The following HYCC1 variants were observed in gnomAD, a reference collection of about 807,000 sequenced individuals.
HYCC1 encodes the protein hyccin PI4KA lipid kinase complex subunit 1, also known as hyccin.
At chr7:22,943,298 G>A in the HYCC1 span, 1 of 152,100 alleles carries the variant, frequency 6.6e-6, no homozygotes, top group Non-Finnish European at 1.5e-5. Context: ...CTAGGGCTGT[G>A]AGACCACTGG....
chr7:22,955,907 A>G, the HYCC1 span, among the ~76,000 whole-genome samples: 19 of 151,826 alleles, frequency 1.3e-4, no homozygotes, highest in East Asian at 3.7e-3. Flanking sequence ...TAAAGAAATA[A>G]CTTTCTATTT....
At chr7:23,008,796 C>A in the HYCC1 span, among the ~76,000 whole-genome samples, 1 of 151,934 alleles carries the variant, frequency 6.6e-6, no homozygotes, top group African/African-American at 2.4e-5. Context: ...GTTCAATAAA[C>A]AGCATTAAAA....
chr7:22,947,340 G>A, the HYCC1 span: 3 of 1,014,572 alleles, frequency 3.0e-6, no homozygotes, highest in African/African-American at 1.6e-5. Flanking sequence ...AAAATTAGAT[G>A]ACTGAATGTT....
chr7:22,910,945 T>C, the HYCC1 span, among the ~76,000 whole-genome samples: 65 of 152,314 alleles, frequency 4.3e-4, no homozygotes, highest in South Asian at 0.011. Flanking sequence ...TATATTTTAT[T>C]ATATTAAGCT....
chr7:22,978,407 G>A, the HYCC1 span: 75 of 1,613,808 alleles, frequency 4.6e-5, no homozygotes, highest in Non-Finnish European at 5.6e-5. Flanking sequence ...CCTCTCCACT[G>A]CGATAGAATT....
the HYCC1 span, among the ~76,000 whole-genome samples, chr7:22,905,604 A>T: frequency 6.6e-6 from 1 of 151,784 alleles, no homozygotes; most frequent in Non-Finnish European, 1.5e-5. Context: ...AATATAATTA[A>T]AGAAAATTTG....
the HYCC1 span, chr7:22,945,261 C>T: frequency 2.8e-6 from 1 of 361,630 alleles, no homozygotes; most frequent in African/African-American, 2.1e-5. Context: ...AACCACCTTA[C>T]AACCTCACAT....
chr7:22,988,446 A>T, the HYCC1 span, among the ~76,000 whole-genome samples: 1 of 152,224 alleles, frequency 6.6e-6, no homozygotes, highest in East Asian at 1.9e-4. Context: ...TGTTATATTG[A>T]TAAAATATTA....
At chr7:23,012,467 G>C in the HYCC1 span, among the ~76,000 whole-genome samples, 333 of 152,202 alleles carry the variant, frequency 2.2e-3, 1 homozygote, top group Non-Finnish European at 3.9e-3. Flanking sequence ...TCAATAAATC[G>C]AATAAGGATA....
chr7:22,988,277 T>C, the HYCC1 span, among the ~76,000 whole-genome samples: 1 of 152,230 alleles, frequency 6.6e-6, no homozygotes, highest in Non-Finnish European at 1.5e-5. Flanking sequence ...GATTCAAAAT[T>C]GGGTAAAGTT....
At chr7:22,929,211 C>T in the HYCC1 span, among the ~76,000 whole-genome samples, 191 of 152,218 alleles carry the variant, frequency 1.3e-3, 3 homozygotes, top group African/African-American at 4.5e-3. Context: ...TAAAGACTTA[C>T]ATGTTAGACC....
chr7:22,989,285 AACACACACACACACAC>A, the HYCC1 span, among the ~76,000 whole-genome samples: 80,143 of 148,572 alleles, frequency 0.54, 21,945 homozygotes, highest in Non-Finnish European at 0.6. Context: ...ACAAGCAGGA[AACACACACACACACAC>A]ACACACACAC....
At chr7:22,926,653 C>T in the HYCC1 span, among the ~76,000 whole-genome samples, 4 of 151,606 alleles carry the variant, frequency 2.6e-5, no homozygotes. Context: ...TATATATGCA[C>T]CCAATACAGG....
the HYCC1 span, among the ~76,000 whole-genome samples, chr7:22,914,765 C>T: frequency 6.6e-6 from 1 of 152,056 alleles, no homozygotes; most frequent in Non-Finnish European, 1.5e-5. Flanking sequence ...ACCCATCTGA[C>T]CTCTCCCCTC....
chr7:22,929,211 C>A, the HYCC1 span, among the ~76,000 whole-genome samples: 3 of 152,218 alleles, frequency 2.0e-5, no homozygotes, highest in Middle Eastern at 3.4e-3. Flanking sequence ...TAAAGACTTA[C>A]ATGTTAGACC....
the HYCC1 span, among the ~76,000 whole-genome samples, chr7:22,973,843 G>C: frequency 2.6e-5 from 4 of 152,094 alleles, no homozygotes; most frequent in Non-Finnish European, 5.9e-5. Flanking sequence ...AATGTACTAC[G>C]TTAGAGTTAG....
the HYCC1 span, among the ~76,000 whole-genome samples, chr7:23,009,737 C>G: frequency 6.6e-6 from 1 of 152,126 alleles, no homozygotes; most frequent in Non-Finnish European, 1.5e-5. Context: ...CTTCTAGTCA[C>G]AACTCTTCTC....
At chr7:22,962,647 G>C in the HYCC1 span, among the ~76,000 whole-genome samples, 1 of 151,740 alleles carries the variant, frequency 6.6e-6, no homozygotes, top group Non-Finnish European at 1.5e-5. Context: ...TCACTGAAGG[G>C]GCAGGACTAC....
chr7:22,941,725 G>A, the HYCC1 span: 5 of 152,086 alleles, frequency 3.3e-5, no homozygotes, highest in Admixed American at 1.3e-4. Context: ...ATATATTTAT[G>A]CTCTCTGATG....
Sources: gnomAD v4.1 joint callset for allele counts (sites outside exome capture counted in the v4.1 genomes callset) on GRCh38, gnomAD v4.1.1 for gene constraint, MANE v1.5 for transcripts, NCBI Gene and HGNC (gene_info 2026-07-23, HGNC 2026-07-21) for gene names.